The following ITPR1 variants were observed in gnomAD, a reference collection of about 807,000 sequenced individuals.
The protein encoded by ITPR1 is inositol 1,4,5-trisphosphate receptor type 1.
Under a neutral mutation model 318.4 loss-of-function variants are expected in ITPR1, and 96 were observed. The ratio of observed to expected loss-of-function variants is 0.30; its 90% CI spans 0.26 to 0.36. ITPR1 has a LOEUF of 0.36. Ranked by LOEUF, ITPR1 falls within the 10% of genes least tolerant of loss-of-function variation. The pLI, the probability that ITPR1 is intolerant of heterozygous loss-of-function variation, is 1.00. For missense variants in ITPR1, 2,440 were observed against 3,460.2 expected, an observed-to-expected ratio of 0.71 and a Z score of 7.40; for synonymous variants, 1,312 against 1,289.9, an observed-to-expected ratio of 1.02 and a Z score of -0.37.
At chr3:4,791,317 G>T (rs764449344) in intron 52 of ITPR1, among the ~76,000 whole-genome samples, 9 of 152,200 alleles carry the variant, frequency 5.9e-5, no homozygotes. Context: ...GCAGAGACTG[G>T]TTTCATGGAA....
intron 4 of ITPR1, among the ~76,000 whole-genome samples, chr3:4,589,149 G>A (rs76521109): frequency 6.6e-6 from 1 of 152,000 alleles, no homozygotes; most frequent in African/African-American, 2.4e-5. Flanking sequence ...ATAGTGAAAT[G>A]CTGTCTCATT....
At chr3:4,532,679 A>G (rs2083518171) in intron 4 of ITPR1, among the ~76,000 whole-genome samples, 1 of 152,170 alleles carries the variant, frequency 6.6e-6, no homozygotes, top group Admixed American at 6.5e-5. Context: ...CCGAGATTCT[A>G]CATTTCTAAC....
intron 15 of ITPR1, 37 bp downstream of exon 15, chr3:4,662,279 C>G: frequency 6.8e-7 from 1 of 1,467,690 alleles, no homozygotes; most frequent in East Asian, 2.4e-5. Flanking sequence ...GCCGCCCTCC[C>G]GCACTGAGAG....
chr3:4,803,936 A>T (rs60169953), intron 54 of ITPR1, among the ~76,000 whole-genome samples: 1 of 152,154 alleles, frequency 6.6e-6, no homozygotes, highest in South Asian at 2.1e-4. Flanking sequence ...CAGTGGTACA[A>T]TCTCGGCTCA....
chr3:4,675,504 G>C (rs976096756), intron 23 of ITPR1, among the ~76,000 whole-genome samples: 6 of 152,146 alleles, frequency 3.9e-5, no homozygotes, highest in Non-Finnish European at 8.8e-5. Flanking sequence ...GTATTTATGT[G>C]TATTTTATTT....
intron 12 of ITPR1, 22 bp downstream of exon 12, chr3:4,653,908 C>G: frequency 6.3e-7 from 1 of 1,582,510 alleles, no homozygotes; most frequent in Non-Finnish European, 8.7e-7. Context: ...CAAGAGCCTT[C>G]TTGTCTTCAT....
intron 4 of ITPR1, among the ~76,000 whole-genome samples, chr3:4,549,198 A>G (rs1319303569): frequency 1.3e-5 from 2 of 152,258 alleles, no homozygotes; most frequent in Non-Finnish European, 2.9e-5. Context: ...TTAAATAAAT[A>G]TGATGCTTTT....
chr3:4,670,956 G>A (rs1259465967), intron 20 of ITPR1, 30 bp downstream of exon 20: 3 of 1,467,028 alleles, frequency 2.0e-6, no homozygotes, highest in African/African-American at 1.4e-5. Flanking sequence ...GGCTCAGATT[G>A]GGGTGCCCCA....
At chr3:4,731,573 A>T (rs1309953616) in intron 42 of ITPR1, among the ~76,000 whole-genome samples, 1 of 152,154 alleles carries the variant, frequency 6.6e-6, no homozygotes, top group Non-Finnish European at 1.5e-5. Context: ...TTCATTTAAA[A>T]ATCAGTCCCC....
chr3:4,547,093 T>G (rs1256680942), intron 4 of ITPR1, among the ~76,000 whole-genome samples: 1 of 152,192 alleles, frequency 6.6e-6, no homozygotes, highest in Non-Finnish European at 1.5e-5. Context: ...TTTTATTGAG[T>G]GTCTACTCCA....
At chr3:4,732,488 T>G (rs2042994541) in intron 42 of ITPR1, among the ~76,000 whole-genome samples, 1 of 5,290 alleles carries the variant, frequency 1.9e-4, no homozygotes, top group Admixed American at 0.01. Flanking sequence ...TATGTTGGGT[T>G]TTTTTTTATA....
chr3:4,830,872 C>T (rs2050432511), intron 60 of ITPR1: 1 of 454,448 alleles, frequency 2.2e-6, no homozygotes, highest in African/African-American at 2.0e-5. Flanking sequence ...ACCCTCAACG[C>T]CTCATTCTCT....
At chr3:4,726,070 C>G (rs958735495) in intron 41 of ITPR1, among the ~76,000 whole-genome samples, 2 of 152,204 alleles carry the variant, frequency 1.3e-5, no homozygotes, top group African/African-American at 4.8e-5. Flanking sequence ...CTTGTTGTCA[C>G]CCAGGCTGGA....
Position 4,686,476 on chromosome 3 carries a change from G to A in ITPR1, c.3702+1270G>A, listed in dbSNP as rs3804991. Reference sequence around the variant, plus strand: ...ATCTACTTCCTTGTGTGTAAGGAACGCGAGGGGGTCATTTGCTAACCATAG... The same window carrying A: ...ATCTACTTCCTTGTGTGTAAGGAACACGAGGGGGTCATTTGCTAACCATAG... On this transcript the variant is annotated intron_variant, in intron 30 of 61. Coordinates refer to ENST00000649015, the MANE Select transcript of ITPR1 (RefSeq NM_001378452.1). Among the ~76,000 whole-genome samples the A allele has an allele frequency of 2.8e-3, 425 of 152,324 alleles. 8 individuals are homozygous for A. The East Asian group carries it at 0.051, about 18-fold the overall frequency.
rs1442813000 is a variant in ITPR1 at position 4,717,389 on chromosome 3, A to G, written c.5126A>G (p.Asp1709Gly). The G allele has an allele frequency of 6.3e-7, 1 of 1,596,396 alleles. No individual in the cohort carries two copies. The highest frequency in any genetic ancestry group is 1.3e-5 in the African/African-American group (1 of 74,726). ...CAGCTAATTTCCATTGATGAATTGG[A>G]TAATGCTGAGGTCCTAATTTTGTTG... ...GEKLISIDEL[D>G]NAELPPAPDS... Residue 1709 changes from aspartate to glycine, a missense_variant, in exon 40 of 62, where the codon GAT becomes GGT. Physicochemically the swap from Asp to Gly is moderately conservative, Grantham distance 94. This residue lies in a region of ITPR1 where 166 missense variants were observed against 143.7 expected (regional missense o/e 1.16). Coordinates refer to ENST00000649015, the MANE Select transcript of ITPR1 (RefSeq NM_001378452.1).
intron 44 of ITPR1, among the ~76,000 whole-genome samples, chr3:4,765,255 A>G (rs1310959130): frequency 6.6e-6 from 1 of 151,960 alleles, no homozygotes; most frequent in Non-Finnish European, 1.5e-5. Flanking sequence ...CAGGGAGCAC[A>G]GGCAGGATGG....
At chr3:4,625,553 A>T (rs2092795271) in intron 4 of ITPR1, among the ~76,000 whole-genome samples, 1 of 151,664 alleles carries the variant, frequency 6.6e-6, no homozygotes, top group Non-Finnish European at 1.5e-5. Context: ...CAAGTTCGTT[A>T]ATTTTTTATT....
chr3:4,496,790 A>G (rs1188618899), intron 2 of ITPR1, among the ~76,000 whole-genome samples: 1 of 152,234 alleles, frequency 6.6e-6, no homozygotes, highest in East Asian at 1.9e-4. Flanking sequence ...CAACTCATTT[A>G]TAAAGATATC....
intron 49 of ITPR1, among the ~76,000 whole-genome samples, chr3:4,780,312 C>G (rs970450461): frequency 5.3e-5 from 8 of 152,144 alleles, no homozygotes; most frequent in African/African-American, 1.9e-4. Flanking sequence ...GAATTCATGT[C>G]TCTTCTTGGT....
Sources: allele counts gnomAD v4.1 joint callset (sites outside exome capture counted in the v4.1 genomes callset), GRCh38; gene constraint gnomAD v4.1.1; regional missense constraint gnomAD v4.1.1; transcripts MANE v1.5; gene names NCBI Gene and HGNC (gene_info 2026-07-23, HGNC 2026-07-21).